Variants in IRF3 observed in about 807,000 individuals in gnomAD.
The protein encoded by IRF3 is interferon regulatory factor 3.
Under a neutral mutation model 43.2 loss-of-function variants are expected in IRF3, and 29 were observed. The observed-to-expected ratio is 0.67, with a 90% CI of 0.50 to 0.91. The LOEUF is 0.91. Ranked by LOEUF, IRF3 falls within the 40% of genes least tolerant of loss-of-function variation. The probability of loss-of-function intolerance (pLI) is 0.00; values close to 1 mark genes in which losing one functional copy is unlikely to be tolerated. For synonymous variants in IRF3, 228 were observed against 233.9 expected (o/e 0.97, Z 0.23); for missense variants, 505 against 559.1 (o/e 0.90, Z 0.98).
At position 49,663,334 on chromosome 19, in the gene IRF3, C is replaced by T; in HGVS notation, c.337+9G>A. Reference sequence around the variant, plus strand: ...CCCAGCCTCCCACACGAACCCCAAGCTGGCAGACCTGAGTTCACAAACTCG... The same window carrying T: ...CCCAGCCTCCCACACGAACCCCAAGTTGGCAGACCTGAGTTCACAAACTCG... On this transcript the variant is annotated intron_variant, in intron 3 of 7. Transcript: ENST00000377139. The T allele has an allele frequency of 2.5e-6, 4 of 1,614,150 alleles. No homozygotes were observed. The highest frequency in any genetic ancestry group is 3.4e-6 in the Non-Finnish European group (4 of 1,179,982).
Position 49,662,126 on chromosome 19 carries a change from C to T in IRF3, c.804G>A (p.Leu268=). 1 of 1,613,890 alleles carries T rather than the reference C, an allele frequency of 6.2e-7. No homozygotes were observed. The highest frequency in any genetic ancestry group is 8.5e-7 in the Non-Finnish European group (1 of 1,179,808). The change falls in exon 6 of 8, where the codon CTG becomes CTA. Residue 268 remains leucine (L), a synonymous_variant. Transcript: ENST00000377139. The part of the protein sequence containing the change: ...MSYVRHVLSC[L]GGGLALWRAG... Reference sequence around the variant, plus strand: ...CCCGCCAGAGAGCCAGTCCCCCACCCAGGCAGCTCAGCACATGCCTCACGT... The same window carrying T: ...CCCGCCAGAGAGCCAGTCCCCCACCTAGGCAGCTCAGCACATGCCTCACGT...
chr19:49,659,996 C>CATATAT (rs770396432), intron 7 of IRF3, among the ~76,000 whole-genome samples, 163 bp from the exon 8 acceptor site: 1,535 of 120,588 alleles, frequency 0.013, 32 homozygotes, highest in Admixed American at 0.032. Flanking sequence ...CACACACACA[C>CATATAT]ACACACACAC....
intron 2 of IRF3, 180 bp downstream of exon 2, chr19:49,664,494 C>T (rs1221685320): frequency 1.9e-6 from 3 of 1,557,602 alleles, no homozygotes; most frequent in African/African-American, 1.4e-5. Context: ...CCTGCTTGCG[C>T]CCCACCATCA....
rs1241612941 is a variant in IRF3, at chr19:49,664,684, C to A, written c.155G>T (p.Gly52Val). Reference sequence around the variant, plus strand: ...GGTCGTCGCACGCACCTGGAAGATTCCGAAATCCTCCTGCTGTGCATCCTG... The same window carrying A: ...GGTCGTCGCACGCACCTGGAAGATTACGAAATCCTCCTGCTGTGCATCCTG... The part of the protein sequence containing the change: ...LRQDAQQEDF[G>V]IFQAWAEATG... Residue 52 changes from glycine to valine, a missense_variant, in exon 2 of 8, where the codon GGA (glycine) becomes GTA (valine). Transcript: ENST00000377139. 1.2e-6 allele frequency: 2 copies of A among 1,613,540 alleles called. No homozygotes were observed. Among genetic ancestry groups the A allele is most frequent in the African/African-American group, 2.7e-5 (2 of 75,046 alleles).
chr19:49,661,232 G>A (rs1035260401), intron 6 of IRF3, among the ~76,000 whole-genome samples: 12 of 152,114 alleles, frequency 7.9e-5, no homozygotes, highest in Non-Finnish European at 1.6e-4. Context: ...GGTTGCACTC[G>A]CCTCACCTGA....
chr19:49,659,983 TTACAC>T, intron 7 of IRF3, 150 bp from the exon 8 acceptor site: 1 of 392,360 alleles, frequency 2.5e-6, no homozygotes, highest in Non-Finnish European at 4.1e-6. Flanking sequence ...AGTTGTAGTT[TTACAC>T]ACACACACAC....
chr19:49,665,116 A>C, intron 1 of IRF3: 1 of 412,212 alleles, frequency 2.4e-6, no homozygotes, highest in Non-Finnish European at 4.4e-6. Context: ...GCCAGTATAG[A>C]CCTCCTCCCT....
At position 49,662,258 on chromosome 19, in the gene IRF3, C is replaced by T. The variant is rs756566968; in HGVS notation, c.672G>A (p.Glu224=). The change falls in exon 6 of 8, where the codon GAG becomes GAA. Residue 224 remains glutamate, a synonymous_variant. Transcript: ENST00000377139. ...QVFQQTISCP[E]GLRLVGSEVG... ...CTTCGGACCCCACCAGCCGCAGGCCCTCCGGGCAGGAGATGGTCTGCTGGA... is the reference window on the plus strand; with the variant it reads ...CTTCGGACCCCACCAGCCGCAGGCCTTCCGGGCAGGAGATGGTCTGCTGGA... 12 of 1,613,888 alleles carry T rather than the reference C, an allele frequency of 7.4e-6. No homozygotes were observed. Among genetic ancestry groups the T allele is most frequent in the South Asian group, 2.2e-5 (2 of 91,096 alleles).
Position 49,662,409 on chromosome 19 carries a change from T to G in IRF3, c.601+16A>C. 6.3e-7 allele frequency: 1 copy of G among 1,593,226 alleles called. No individual in the cohort carries two copies. On this transcript the variant is annotated intron_variant, in intron 5 of 7. Transcript: ENST00000377139. ...CGCCCAGACCTCAGCCCTCCCAGCC[T>G]GCAGCTGACACTCACCTTCCCCCGG... is the stretch of plus-strand genomic sequence containing the variant.
chr19:49,660,517 G>A (rs2081276473), intron 7 of IRF3, among the ~76,000 whole-genome samples, 196 bp downstream of exon 7: 2 of 152,154 alleles, frequency 1.3e-5, no homozygotes. Flanking sequence ...GGGGGCCACT[G>A]GTTTAGAGAG....
At chr19:49,661,818 A>T (rs542065407) in intron 6 of IRF3, 130 bp downstream of exon 6, 1 of 1,099,016 alleles carries the variant, frequency 9.1e-7, no homozygotes, top group African/African-American at 1.6e-5. Flanking sequence ...TGAACTTGTC[A>T]TCTGCCCACC....
rs989685637 is a variant in IRF3 at position 49,662,444 on chromosome 19, C to T, written c.582G>A (p.Arg194=). Residue 194 remains arginine, a synonymous_variant, in exon 5 of 8, where the codon CGG becomes CGA. Transcript: ENST00000377139. ...NLGPSENPLK[R]LLVPGEEWEF... Reference sequence around the variant, plus strand: ...ACTCACCTTCCCCCGGCACCAACAGCCGCTTCAGTGGGTTCTCAGAGGGCC... The same window carrying T: ...ACTCACCTTCCCCCGGCACCAACAGTCGCTTCAGTGGGTTCTCAGAGGGCC... 8.1e-6 allele frequency: 13 copies of T among 1,596,948 alleles called. No individual in the cohort carries two copies. The highest frequency in any genetic ancestry group is 1.1e-5 in the Non-Finnish European group (13 of 1,172,082).
rs1237122603 is a variant in IRF3 at position 49,660,820 on chromosome 19, T to C, written c.991A>G (p.Thr331Ala). The C allele has an allele frequency of 3.1e-6, 5 of 1,598,022 alleles. No homozygotes were observed. Among genetic ancestry groups the C allele is most frequent in the Non-Finnish European group, 4.3e-6 (5 of 1,172,826 alleles). Residue 331 changes from threonine (T) to alanine (A), a missense_variant, in exon 7 of 8, where the codon ACC (threonine) becomes GCC (alanine). Thr to Ala is a moderately conservative substitution (Grantham distance 58, BLOSUM62 0). Coordinates refer to ENST00000377139, the MANE Select transcript of IRF3 (RefSeq NM_001571.6). ...DLGPFIVDLITFTEGSGRSPR... is the reference protein window; with the variant it reads ...DLGPFIVDLIAFTEGSGRSPR... Reference sequence around the variant, plus strand: ...GAGCGTCCGCTTCCTTCCGTGAAGGTAATCAGATCTGGGGGCCCAGGAGCC... The same window carrying C: ...GAGCGTCCGCTTCCTTCCGTGAAGGCAATCAGATCTGGGGGCCCAGGAGCC...
chr19:49,662,129 G>A lies in IRF3; in HGVS notation c.801C>T (p.Cys267=), dbSNP rs760534041. The change falls in exon 6 of 8, where the codon TGC becomes TGT. Residue 267 remains cysteine, a synonymous_variant. Coordinates refer to ENST00000377139, the MANE Select transcript of IRF3 (RefSeq NM_001571.6). The part of the protein sequence containing the change: ...VMSYVRHVLS[C]LGGGLALWRA... ...GCCAGAGAGCCAGTCCCCCACCCAG[G>A]CAGCTCAGCACATGCCTCACGTAGC... The A allele has an allele frequency of 1.2e-6, 2 of 1,613,786 alleles. No individual in the cohort carries two copies. The highest frequency in any genetic ancestry group is 1.7e-5 in the Admixed American group (1 of 60,006).
In IRF3 at chr19:49,662,292, C is replaced by A; in HGVS notation, c.638G>T (p.Arg213Leu). 1 of 1,613,542 alleles carries A rather than the reference C, an allele frequency of 6.2e-7. No homozygotes were observed. Among genetic ancestry groups the A allele is most frequent in the Non-Finnish European group, 8.5e-7 (1 of 1,180,012 alleles). The change falls in exon 6 of 8, where the codon CGC (arginine) becomes CTC (leucine). Residue 213 changes from arginine to leucine, a missense_variant. Transcript: ENST00000377139. ...EFEVTAFYRG[R>L]QVFQQTISCP... ...GGAGATGGTCTGCTGGAAGACTTGG[C>A]GGCCCCGGTAGAAGGCTGTCACCTC...
Position 49,663,466 on chromosome 19 carries a change from C to G in IRF3, c.214G>C (p.Asp72His). ...AAATTCCTCTTCCAGGTTGGCAGGT[C>G]TGGCTTATCCCTCCCGGGAACATAT... Reference protein sequence around the residue: ...GAYVPGRDKPDLPTWKRNFRS... With the variant: ...GAYVPGRDKPHLPTWKRNFRS... The change falls in exon 3 of 8, where the codon GAC becomes CAC. Residue 72 changes from aspartate (D) to histidine (H), a missense_variant. Asp to His is a moderately conservative substitution (Grantham distance 81). Transcript: ENST00000377139. 1.9e-6 allele frequency: 3 copies of G among 1,614,202 alleles called. No individual in the cohort carries two copies. The highest frequency in any genetic ancestry group is 2.5e-6 in the Non-Finnish European group (3 of 1,180,050).
rs773201962 is a variant in IRF3 at position 49,660,749 on chromosome 19, C to G, written c.1062G>C (p.Gln354His). 6 of 1,610,086 alleles carry G rather than the reference C, an allele frequency of 3.7e-6. No homozygotes were observed. The African/African-American group carries it at 5.3e-5, about 14-fold the overall frequency. The change falls in exon 7 of 8, where the codon CAG becomes CAC. Residue 354 changes from glutamine (Q) to histidine (H), a missense_variant. Transcript: ENST00000377139. ...LWFCVGESWP[Q>H]DQPWTKRLVM... ...CGAGCCTCTTGGTCCACGGCTGGTC[C>G]TGGGGCCATGACTCCCCCACACAGA...
In IRF3 at chr19:49,660,718, C is replaced by G. The variant is rs2081286026; in HGVS notation, c.1093G>C (p.Val365Leu). The change falls in exon 7 of 8, where the codon GTC (valine) becomes CTC (leucine). Residue 365 changes from valine to leucine, a missense_variant. By Grantham distance (32) the Val-to-Leu change is conservative (BLOSUM62 1). Coordinates refer to ENST00000377139, the MANE Select transcript of IRF3 (RefSeq NM_001571.6). The stretch of plus-strand genomic sequence containing the variant: ...GGACTCAGGTCTGCAGGCACCTTGA[C>G]CATCACGAGCCTCTTGGTCCACGGC... ...DQPWTKRLVM[V>L]KVVPTCLRAL... 1 of 1,597,612 alleles carries G rather than the reference C, an allele frequency of 6.3e-7. No individual in the cohort carries two copies. Among genetic ancestry groups the G allele is most frequent in the Non-Finnish European group, 8.5e-7 (1 of 1,172,600 alleles).
intron 5 of IRF3, 47 bp downstream of exon 5, chr19:49,662,378 G>C (rs746513620): frequency 1.2e-6 from 2 of 1,602,518 alleles, no homozygotes; most frequent in East Asian, 2.2e-5. Flanking sequence ...GAGAATCAGG[G>C]GCTGCCGCCC....
Sources: allele counts gnomAD v4.1 joint callset (sites outside exome capture counted in the v4.1 genomes callset), GRCh38; gene constraint gnomAD v4.1.1; transcripts MANE v1.5; gene names NCBI Gene and HGNC (gene_info 2026-07-23, HGNC 2026-07-21).